Variants in NME4 observed in about 807,000 individuals in gnomAD.
NME4 encodes the protein nucleoside diphosphate kinase D, mitochondrial.
A neutral mutation model predicts 16.4 loss-of-function variants in NME4; 21 were observed. The observed-to-expected ratio is 1.28, with a 90% CI of 0.91 to 1.84. NME4 has a LOEUF of 1.84. Among genes scored for constraint, NME4 ranks in the 40% most tolerant of loss-of-function variants. The pLI, the probability that NME4 is intolerant of heterozygous loss-of-function variation, is 0.00. For synonymous variants in NME4, 132 were observed against 107.5 expected (o/e 1.23, Z -1.41); for missense variants, 316 against 261.3 (o/e 1.21, Z -1.44).
intron 1 of NME4, 118 bp from the exon 2 acceptor site, chr16:398,872 C>T: frequency 7.1e-6 from 10 of 1,400,600 alleles, no homozygotes; most frequent in Non-Finnish European, 8.8e-6. Flanking sequence ...TCCAGAGTGC[C>T]CTGCATAGAG....
At chr16:398,906 C>A in intron 1 of NME4, 84 bp from the exon 2 acceptor site, 1 of 1,571,946 alleles carries the variant, frequency 6.4e-7, no homozygotes, top group Non-Finnish European at 8.6e-7. Flanking sequence ...AGCCTGGTGA[C>A]CCCTGGGCTC....
rs201893980 is a variant in NME4, at chr16:399,004, A to G, written c.106A>G (p.Thr36Ala). Reference protein sequence around the residue: ...VRHGSGGPSWTRERTLVAVKP... With the variant: ...VRHGSGGPSWARERTLVAVKP... Reference sequence around the variant, plus strand: ...GCCTTTTGAAGGAGGGCCCTCCTGGACCCGGGAGCGGACCCTGGTGGCGGT... The same window carrying G: ...GCCTTTTGAAGGAGGGCCCTCCTGGGCCCGGGAGCGGACCCTGGTGGCGGT... Residue 36 changes from threonine to alanine, a missense_variant, in exon 2 of 5, where the codon ACC becomes GCC. By Grantham distance (58) the Thr-to-Ala change is moderately conservative (BLOSUM62 0). Transcript: ENST00000219479. 1.9e-6 allele frequency: 3 copies of G among 1,610,188 alleles called. No individual in the cohort carries two copies. The Admixed American group carries it at 5.0e-5, about 27-fold the overall frequency.
Position 400,609 on chromosome 16 carries a change from T to G in NME4, c.*267T>G. 1 of 425,674 alleles carries G rather than the reference T, an allele frequency of 2.3e-6. No individual in the cohort carries two copies. The highest frequency in any genetic ancestry group is 4.2e-6 in the Non-Finnish European group (1 of 239,384). The allele number at this position is 425,674 out of a possible 1,614,324, so 26.4% of individuals were successfully genotyped here. On this transcript the variant is annotated 3_prime_UTR_variant, in exon 5 of 5. Coordinates refer to ENST00000219479, the MANE Select transcript of NME4 (RefSeq NM_005009.3). ...GGGGTCTTCACATTATCATAACCTC[T>G]CCTCTAAAGGGGAGGCATTAAAATT...
At position 399,058 on chromosome 16, in the gene NME4, G is replaced by C. The variant is rs746753109; in HGVS notation, c.160G>C (p.Val54Leu). ...VKPDGVQRRL[V>L]GDVIQRFERR... ...GCCCGATGGCGTGCAACGGCGGCTC[G>C]TTGGGGACGTGATCCAGCGCTTTGA... Residue 54 changes from valine to leucine, a missense_variant, in exon 2 of 5, where the codon GTT (valine) becomes CTT (leucine). Transcript: ENST00000219479. 4.4e-6 allele frequency: 7 copies of C among 1,606,296 alleles called. No individual in the cohort carries two copies. The highest frequency in any genetic ancestry group is 3.3e-5 in the Admixed American group (2 of 59,850).
chr16:397,918 C>A, intron 1 of NME4: 1 of 1,551,380 alleles, frequency 6.4e-7, no homozygotes, highest in Non-Finnish European at 8.7e-7. Context: ...CCGCCGCCTG[C>A]AATGCCCGCA....
intron 4 of NME4, 58 bp downstream of exon 4, chr16:399,797 G>A: frequency 2.8e-6 from 4 of 1,406,216 alleles, no homozygotes; most frequent in South Asian, 1.2e-5. Context: ...CATCACTTGG[G>A]GTGGTGGCAG....
intron 1 of NME4, chr16:397,840 C>A (rs753914668): frequency 1.3e-6 from 2 of 1,543,876 alleles, no homozygotes; most frequent in Non-Finnish European, 1.7e-6. Context: ...GCTGCCCGGC[C>A]CCCCCAGCTG....
chr16:397,387 G>A, intron 1 of NME4, 74 bp downstream of exon 1: 2 of 548,266 alleles, frequency 3.6e-6, no homozygotes, highest in Non-Finnish European at 4.7e-6. Flanking sequence ...CTTTGTGCGC[G>A]CACGTGCGGG....
chr16:397,540 G>A (rs2141784100), intron 1 of NME4, among the ~76,000 whole-genome samples: 3 of 126,670 alleles, frequency 2.4e-5, no homozygotes, highest in South Asian at 2.6e-4. Context: ...GCCCCAGGCT[G>A]CAGGCGCCCG....
intron 1 of NME4, chr16:398,303 G>C (rs1254630194): frequency 7.4e-7 from 1 of 1,345,288 alleles, no homozygotes; most frequent in African/African-American, 1.5e-5. Flanking sequence ...CACAGGCCCC[G>C]TCTCCTGGCT....
At chr16:397,009 C>T (rs1437958656), upstream of NME4, 1 of 153,236 alleles carries the variant, frequency 6.5e-6, no homozygotes, top group Non-Finnish European at 1.5e-5. Flanking sequence ...GAATGCAATT[C>T]GAGAAGGATT....
rs1318381292 is a variant in NME4 at position 397,237 on chromosome 16, C to G, written c.15C>G (p.Phe5Leu). Residue 5 changes from phenylalanine to leucine, a missense_variant, in exon 1 of 5, where the codon TTC becomes TTG. Coordinates refer to ENST00000219479, the MANE Select transcript of NME4 (RefSeq NM_005009.3). ...GGCCGGGCGTCATGGGCGGCCTCTT[C>G]TGGCGCTCCGCGCTGCGGGGGCTGC... Reference protein sequence around the residue: MGGLFWRSALRGLRC... With the variant: MGGLLWRSALRGLRC... 2 of 1,035,512 alleles carry G rather than the reference C, an allele frequency of 1.9e-6. No individual in the cohort carries two copies. The highest frequency in any genetic ancestry group is 2.3e-6 in the Non-Finnish European group (2 of 864,684). 64.1% of individuals were successfully genotyped at this position (1,035,512 alleles called of 1,614,324 possible).
intron 1 of NME4, 109 bp from the exon 2 acceptor site, chr16:398,881 A>G (rs2054601306): frequency 4.1e-6 from 6 of 1,463,856 alleles, no homozygotes; most frequent in South Asian, 2.5e-5. Flanking sequence ...CCCTGCATAG[A>G]GGCAGACACC....
intron 4 of NME4, 24 bp from the exon 5 acceptor site, chr16:400,195 C>T: frequency 1.9e-6 from 3 of 1,611,430 alleles, no homozygotes; most frequent in East Asian, 2.2e-5. Context: ...GCCTGAGCCT[C>T]ACATTGCTCC....
intron 1 of NME4, chr16:398,230 C>T: frequency 7.0e-7 from 1 of 1,436,616 alleles, no homozygotes; most frequent in South Asian, 1.2e-5. Flanking sequence ...AGGAGGACGG[C>T]TGGGGCGGAG....
intron 1 of NME4, 81 bp from the exon 2 acceptor site, chr16:398,909 C>A: frequency 6.3e-7 from 1 of 1,579,814 alleles, no homozygotes; most frequent in Non-Finnish European, 8.6e-7. Flanking sequence ...CTGGTGACCC[C>A]TGGGCTCTGG....
Position 397,347 on chromosome 16 carries a change from G to A in NME4, c.91+34G>A, listed in dbSNP as rs1169625026. 18 of 903,974 alleles carry A rather than the reference G, an allele frequency of 2.0e-5. No homozygotes were observed. The African/African-American group carries it at 2.8e-4, about 14-fold the overall frequency. 56.0% of individuals were successfully genotyped at this position (903,974 alleles called of 1,614,324 possible). On this transcript the variant is annotated intron_variant, in intron 1 of 4. Coordinates refer to ENST00000219479, the MANE Select transcript of NME4 (RefSeq NM_005009.3). ...GGCCGCGCGCCCCGGCGGGGACGCG[G>A]AGGGGAGGAAGGGGCGCGCGCCGCT...
intron 1 of NME4, chr16:397,903 G>C (rs1277405436): frequency 1.9e-6 from 3 of 1,552,884 alleles, no homozygotes; most frequent in Non-Finnish European, 2.6e-6. Context: ...GCTCTGAAAA[G>C]TGAGCCGCCG....
At chr16:398,460 C>G (rs2054594203) in intron 1 of NME4, 1 of 1,142,904 alleles carries the variant, frequency 8.7e-7, no homozygotes, top group East Asian at 5.9e-5. Flanking sequence ...TGGGTTCTTC[C>G]TCATGTGGAA....
Sources: gnomAD v4.1 joint callset for allele counts (sites outside exome capture counted in the v4.1 genomes callset) on GRCh38, gnomAD v4.1.1 for gene constraint, MANE v1.5 for transcripts, NCBI Gene and HGNC (gene_info 2026-07-23, HGNC 2026-07-21) for gene names.